SESN1: variants seen among roughly 807,000 people sequenced by gnomAD.
SESN1 encodes sestrin-1.
Under a neutral mutation model 59.3 loss-of-function variants are expected in SESN1, and 30 were observed. The observed-to-expected ratio is 0.51, with a 90% confidence interval of 0.38 to 0.69. The LOEUF (loss-of-function observed/expected upper bound fraction) is 0.69, where lower values mean the gene tolerates loss of function less well. Ranked by LOEUF, SESN1 falls within the 30% of genes least tolerant of loss-of-function variation. The pLI, the probability that SESN1 is intolerant of heterozygous loss-of-function variation, is 0.00. For missense variants in SESN1, 566 were observed against 673.0 expected (o/e 0.84, Z 1.76); for synonymous variants, 197 against 219.9 (o/e 0.90, Z 0.92).
At chr6:109,019,809 CT>C (rs1289151330) in intron 1 of SESN1, among the ~76,000 whole-genome samples, 1 of 152,160 alleles carries the variant, frequency 6.6e-6, no homozygotes, top group Non-Finnish European at 1.5e-5. Context: ...ACAATTAGAA[CT>C]TGCTTTATGT....
intron 9 of SESN1, 94 bp downstream of exon 9, chr6:108,988,449 G>T: frequency 8.8e-7 from 1 of 1,130,246 alleles, no homozygotes; most frequent in East Asian, 2.6e-5. Flanking sequence ...GTTGGTAGGG[G>T]TGATGGAAAG....
chr6:108,986,913 A>T lies in SESN1; in HGVS notation c.*631T>A, dbSNP rs1195718610. The T allele has an allele frequency of 2.6e-5, 4 of 152,514 alleles. No individual in the cohort carries two copies. Among genetic ancestry groups the T allele is most frequent in the African/African-American group, 9.6e-5 (4 of 41,472 alleles). The allele number at this position is 152,514 out of a possible 1,614,324, so 9.4% of individuals were successfully genotyped here. On this transcript the variant is annotated 3_prime_UTR_variant, in exon 10 of 10. Transcript: ENST00000436639. ...ATTTAATATCCAGAACCCTGAATTT[A>T]AAAAACTAATGAAAGAAATTAACTG...
At chr6:109,069,175 G>T (rs185700789) in intron 1 of SESN1, among the ~76,000 whole-genome samples, 5 of 152,084 alleles carry the variant, frequency 3.3e-5, no homozygotes, top group Non-Finnish European at 7.4e-5. Flanking sequence ...AGGCCATCGT[G>T]GCAAAATGTT....
intron 1 of SESN1, among the ~76,000 whole-genome samples, chr6:109,062,850 ATATAC>A (rs1420947100): frequency 3.0e-4 from 45 of 152,228 alleles, no homozygotes; most frequent in Admixed American, 2.9e-3. Context: ...AATTATAGTA[ATATAC>A]TATAATAAAG....
At chr6:109,035,073 G>A (rs1780231288) in intron 1 of SESN1, among the ~76,000 whole-genome samples, 1 of 152,046 alleles carries the variant, frequency 6.6e-6, no homozygotes, top group East Asian at 1.9e-4. Context: ...AATGTTAAGG[G>A]AGAGAAAAGG....
intron 7 of SESN1, among the ~76,000 whole-genome samples, chr6:108,991,058 T>G (rs900383990): frequency 5.4e-5 from 8 of 147,546 alleles, no homozygotes; most frequent in African/African-American, 1.8e-4. Context: ...AAACTAATAG[T>G]CTCATCTCAA....
Position 109,000,507 on chromosome 6 carries a change from G to T in SESN1, c.713C>A (p.Thr238Asn). The T allele has an allele frequency of 1.9e-6, 3 of 1,588,226 alleles. No individual in the cohort carries two copies. The highest frequency in any genetic ancestry group is 1.3e-5 in the African/African-American group (1 of 74,114). ...KVLAHRPWLI[T>N]KEHIEGLLKA... ...ACTGCTTACCTCAATGTGTTCTTTGGTAATAAGCCAAGGTCTATGGGCTAA... is the reference window on the plus strand; with the variant it reads ...ACTGCTTACCTCAATGTGTTCTTTGTTAATAAGCCAAGGTCTATGGGCTAA... The change falls in exon 4 of 10, where the codon ACC becomes AAC. Residue 238 changes from threonine to asparagine, a missense_variant. Physicochemically the swap from Thr to Asn is moderately conservative, Grantham distance 65. Coordinates refer to ENST00000436639, the MANE Select transcript of SESN1 (RefSeq NM_014454.3).
In SESN1 at chr6:109,000,842, G is replaced by A. The variant is rs11969809; in HGVS notation, c.547-169C>T. Among the ~76,000 whole-genome samples, 1,066 of 152,210 alleles carry A rather than the reference G, an allele frequency of 7.0e-3. 11 individuals carry two copies. Among genetic ancestry groups the A allele is most frequent in the African/African-American group, 0.024 (999 of 41,550 alleles). Reference sequence around the variant, plus strand: ...TAAACATTTTAAAAATTCAAATACTGTAAGAACCTTAGAAATATTCCAAGA... The same window carrying A: ...TAAACATTTTAAAAATTCAAATACTATAAGAACCTTAGAAATATTCCAAGA... On this transcript the variant is annotated intron_variant, in intron 3 of 9. Transcript: ENST00000436639.
rs1562453131 is a variant in SESN1 at position 108,992,826 on chromosome 6, G to A, written c.1194C>T (p.Phe398=). ...FEDTSYGYKD[F]SRHGMHVPTF... is the part of the protein sequence containing the mutation. ...TTGGAACATGCATCCCATGTCTAGA[G>A]AAATCTTTATAGCCATAACTAGTAT... is the stretch of plus-strand genomic sequence containing the variant. Residue 398 remains phenylalanine, a synonymous_variant, in exon 7 of 10, where the codon TTC becomes TTT. Coordinates refer to ENST00000436639, the MANE Select transcript of SESN1 (RefSeq NM_014454.3). 1 of 1,613,582 alleles carries A rather than the reference G, an allele frequency of 6.2e-7. No individual in the cohort carries two copies. Among genetic ancestry groups the A allele is most frequent in the African/African-American group, 1.3e-5 (1 of 74,902 alleles).
intron 1 of SESN1, among the ~76,000 whole-genome samples, chr6:109,022,801 A>G (rs188597629): frequency 2.6e-5 from 4 of 152,316 alleles, no homozygotes; most frequent in Non-Finnish European, 4.4e-5. Context: ...TGGGAAACTC[A>G]GAGAGGTTAA....
At chr6:109,084,639 TAAATG>T (rs1392275499) in intron 1 of SESN1, among the ~76,000 whole-genome samples, 1 of 152,182 alleles carries the variant, frequency 6.6e-6, no homozygotes, top group Admixed American at 6.5e-5. Context: ...GATTTTATAA[TAAATG>T]AAAGAATGTA....
intron 1 of SESN1, among the ~76,000 whole-genome samples, chr6:109,004,582 C>T (rs1345328814): frequency 1.3e-5 from 2 of 151,816 alleles, no homozygotes; most frequent in Non-Finnish European, 2.9e-5. Context: ...AGGCGTGTGC[C>T]GCCACACCTG....
At chr6:109,057,947 C>G (rs1280217354) in intron 1 of SESN1, among the ~76,000 whole-genome samples, 3 of 152,056 alleles carry the variant, frequency 2.0e-5, no homozygotes, top group Non-Finnish European at 4.4e-5. Context: ...CTGGCTGTCT[C>G]TAGATGAGGT....
chr6:108,986,419 A>C lies in SESN1; in HGVS notation c.*1125T>G, dbSNP rs919889846. ...CTAATAGTGAAGTCATGATTTTTTA[A>C]GAGATTGAGACAGCAAATAAAATTG... On this transcript the variant is annotated 3_prime_UTR_variant, in exon 10 of 10. Transcript: ENST00000436639. 2.6e-5 allele frequency: 4 copies of C among 152,676 alleles called. No homozygotes were observed. The highest frequency in any genetic ancestry group is 9.6e-5 in the African/African-American group (4 of 41,466). 9.5% of individuals were successfully genotyped at this position (152,676 alleles called of 1,614,324 possible).
At chr6:108,998,792 T>A (rs1295226615) in intron 4 of SESN1, 37 bp from the exon 5 acceptor site, 1 of 1,575,972 alleles carries the variant, frequency 6.3e-7, no homozygotes, top group Non-Finnish European at 8.6e-7. Context: ...ATTTTTGTAC[T>A]GGGGTGTGGT....
At chr6:108,989,674 C>T (rs1037246069) in intron 8 of SESN1, among the ~76,000 whole-genome samples, 114 of 151,950 alleles carry the variant, frequency 7.5e-4, no homozygotes, top group African/African-American at 2.7e-3. Flanking sequence ...AATTACTTTA[C>T]TCATGTTTCT....
chr6:109,009,023 T>C, intron 1 of SESN1: 3 of 1,004,804 alleles, frequency 3.0e-6, no homozygotes, highest in Non-Finnish European at 3.6e-6. Context: ...ATTTCTGACT[T>C]GTGGAGACTT....
chr6:109,027,543 A>G lies in SESN1; in HGVS notation c.280-25200T>C, dbSNP rs973328630. ...ATGCTCAGCATTGTCAATTTAAAACATTTTAGTCAATCTAATGGGTGTAGT... is the reference window on the plus strand; with the variant it reads ...ATGCTCAGCATTGTCAATTTAAAACGTTTTAGTCAATCTAATGGGTGTAGT... On this transcript the variant is annotated intron_variant, in intron 1 of 9. Coordinates refer to ENST00000436639, the MANE Select transcript of SESN1 (RefSeq NM_014454.3). Among the ~76,000 whole-genome samples, 11 of 151,646 alleles carry G rather than the reference A, an allele frequency of 7.3e-5. No individual in the cohort carries two copies. The South Asian group carries it at 1.0e-3, about 14-fold the overall frequency.
chr6:109,026,809 A>C (rs748029356), intron 1 of SESN1, among the ~76,000 whole-genome samples: 1 of 152,026 alleles, frequency 6.6e-6, no homozygotes, highest in Non-Finnish European at 1.5e-5. Flanking sequence ...GGCCAGGTTT[A>C]ACTTCTTAAG....
Sources: gnomAD v4.1 joint callset for allele counts (sites outside exome capture counted in the v4.1 genomes callset) on GRCh38, gnomAD v4.1.1 for gene constraint, MANE v1.5 for transcripts, NCBI Gene and HGNC (gene_info 2026-07-23, HGNC 2026-07-21) for gene names.